The following ARHGAP15 variants were observed in gnomAD, a reference collection of about 807,000 sequenced individuals.
The protein encoded by ARHGAP15 is rho GTPase-activating protein 15.
Under a neutral mutation model 63.7 loss-of-function variants are expected in ARHGAP15, and 51 were observed. The observed-to-expected ratio is 0.80, with a 90% confidence interval of 0.64 to 1.01. The LOEUF is 1.01. Among genes scored for constraint, ARHGAP15 ranks in the 50% least tolerant of loss-of-function variants. ARHGAP15 has a pLI of 0.00. For synonymous variants in ARHGAP15, 191 were observed against 193.8 expected (o/e 0.99, Z 0.12); for missense variants, 560 against 564.6 (o/e 0.99, Z 0.08).
At chr2:143,224,342 G>C (rs1693119059) in intron 4 of ARHGAP15, among the ~76,000 whole-genome samples, 1 of 152,046 alleles carries the variant, frequency 6.6e-6, no homozygotes, top group South Asian at 2.1e-4. Flanking sequence ...CAAACATAAA[G>C]CAGAAAAAAT....
At chr2:143,172,964 C>G (rs1690855080) in intron 2 of ARHGAP15, among the ~76,000 whole-genome samples, 1 of 152,084 alleles carries the variant, frequency 6.6e-6, no homozygotes, top group South Asian at 2.1e-4. Context: ...TTTAAGGAGC[C>G]TACAAAGAAG....
chr2:143,763,700 GTATGTA>G (rs1022048385), intron 13 of ARHGAP15, among the ~76,000 whole-genome samples: 5 of 128,222 alleles, frequency 3.9e-5, no homozygotes, highest in African/African-American at 1.5e-4. Flanking sequence ...ATATGTATGT[GTATGTA>G]TATGTGTATG....
At chr2:143,389,461 C>A (rs1052801782) in intron 6 of ARHGAP15, among the ~76,000 whole-genome samples, 2 of 152,142 alleles carry the variant, frequency 1.3e-5, no homozygotes, top group Non-Finnish European at 2.9e-5. Context: ...TCATAACAAC[C>A]AGATAAATAG....
chr2:143,244,857 C>T (rs1693989529), intron 5 of ARHGAP15, among the ~76,000 whole-genome samples: 1 of 152,122 alleles, frequency 6.6e-6, no homozygotes, highest in Non-Finnish European at 1.5e-5. Flanking sequence ...AGGTTAAGGT[C>T]ATGAGATGGA....
At chr2:143,726,404 C>T (rs1685278199) in intron 13 of ARHGAP15, among the ~76,000 whole-genome samples, 1 of 150,672 alleles carries the variant, frequency 6.6e-6, no homozygotes, top group African/African-American at 2.4e-5. Flanking sequence ...AGATTTATTA[C>T]TCTGCCTGAA....
intron 6 of ARHGAP15, among the ~76,000 whole-genome samples, chr2:143,433,222 A>G (rs1689465809): frequency 6.6e-6 from 1 of 152,132 alleles, no homozygotes; most frequent in African/African-American, 2.4e-5. Context: ...AATGGGCTTT[A>G]CCAGTCAAAG....
intron 9 of ARHGAP15, among the ~76,000 whole-genome samples, chr2:143,518,018 C>A (rs1693895661): frequency 1.3e-5 from 2 of 152,078 alleles, no homozygotes; most frequent in Admixed American, 1.3e-4. Context: ...ATGGGAAGCC[C>A]TTGGACCCAC....
chr2:143,631,433 TC>T lies in ARHGAP15; in HGVS notation c.1138+7169del, dbSNP rs1479265005. On this transcript the variant is annotated intron_variant, in intron 12 of 13. Coordinates refer to ENST00000295095, the MANE Select transcript of ARHGAP15 (RefSeq NM_018460.4). ...CAAAGTCATTGAGCCATTTTTCAAT[TC>T]CCGTCAACAGTATATGAGAGTTCCA... is the stretch of plus-strand genomic sequence containing the variant. 2.0e-5 allele frequency among the ~76,000 whole-genome samples: 3 copies of T among 152,200 alleles called. No homozygotes were observed. The East Asian group carries it at 5.8e-4, about 29-fold the overall frequency.
intron 9 of ARHGAP15, among the ~76,000 whole-genome samples, chr2:143,516,640 G>A (rs2104975060): frequency 6.6e-6 from 1 of 152,240 alleles, no homozygotes. Flanking sequence ...ATTGATTTGA[G>A]TAATAAAATC....
chr2:143,477,563 C>A (rs1691881616), intron 8 of ARHGAP15, among the ~76,000 whole-genome samples: 1 of 151,942 alleles, frequency 6.6e-6, no homozygotes, highest in Non-Finnish European at 1.5e-5. Flanking sequence ...ATATTATTAT[C>A]CCCATCTAAC....
At chr2:143,132,463 G>A (rs752459903) in intron 1 of ARHGAP15, among the ~76,000 whole-genome samples, 23 of 152,230 alleles carry the variant, frequency 1.5e-4, no homozygotes, top group African/African-American at 2.4e-4. Context: ...CTCCTACTGA[G>A]TTGATCCTTT....
At chr2:143,682,980 A>C (rs1683173452) in intron 12 of ARHGAP15, 1 of 152,176 alleles carries the variant, frequency 6.6e-6, no homozygotes. Flanking sequence ...CTGTAATTTT[A>C]CGTTTATTTT....
chr2:143,336,467 A>T (rs915261859), intron 6 of ARHGAP15, among the ~76,000 whole-genome samples: 1 of 152,220 alleles, frequency 6.6e-6, no homozygotes, highest in Non-Finnish European at 1.5e-5. Flanking sequence ...GTTCATCCTC[A>T]CTATGACATT....
chr2:143,727,293 AGTGTT>A (rs1279727386), intron 13 of ARHGAP15, among the ~76,000 whole-genome samples: 1 of 152,228 alleles, frequency 6.6e-6, no homozygotes, highest in Non-Finnish European at 1.5e-5. Context: ...CACACGAAAG[AGTGTT>A]GTATTTCAAG....
intron 6 of ARHGAP15, among the ~76,000 whole-genome samples, chr2:143,285,447 ATTATT>A (rs1377428175): frequency 3.9e-5 from 6 of 152,178 alleles, no homozygotes; most frequent in Non-Finnish European, 8.8e-5. Flanking sequence ...CTTTAGAAAT[ATTATT>A]TTATTTTCCA....
intron 13 of ARHGAP15, among the ~76,000 whole-genome samples, chr2:143,759,567 A>AT (rs1189692245): frequency 6.6e-6 from 1 of 152,040 alleles, no homozygotes; most frequent in Non-Finnish European, 1.5e-5. Flanking sequence ...TAAGTCCCAG[A>AT]TTTTTACCAT....
rs35572753 is a variant in ARHGAP15, at chr2:143,275,005, TA to T, written c.474+24419del. 8.8e-3 allele frequency among the ~76,000 whole-genome samples: 1,277 copies of T among 144,894 alleles called. 18 individuals carry two copies. Among genetic ancestry groups the T allele is most frequent in the East Asian group, 0.037 (183 of 4,950 alleles). On this transcript the variant is annotated intron_variant, in intron 6 of 13. Coordinates refer to ENST00000295095, the MANE Select transcript of ARHGAP15 (RefSeq NM_018460.4). ...GTGAAACCCCATCTCTACTAAAAAT[TA>T]AAAAAAAAAAAAATTAGCTGGATGT...
intron 12 of ARHGAP15, among the ~76,000 whole-genome samples, chr2:143,657,123 G>A (rs1559107063): frequency 6.6e-6 from 1 of 152,186 alleles, no homozygotes; most frequent in East Asian, 1.9e-4. Context: ...GAGGTGGGCA[G>A]ATCGTGAGGT....
In ARHGAP15 at chr2:143,743,883, G is replaced by GA. The variant is rs563889837; in HGVS notation, c.1245-24096dup. Among the ~76,000 whole-genome samples, 578 of 139,954 alleles carry GA rather than the reference G, an allele frequency of 4.1e-3. 1 individual carries two copies. The highest frequency in any genetic ancestry group is 8.1e-3 in the Admixed American group (115 of 14,132). The allele number at this position is 139,954 out of a possible 152,430, so 91.8% of individuals were successfully genotyped here. On this transcript the variant is annotated intron_variant, in intron 13 of 13. Transcript: ENST00000295095. ...TGGATGTTCTCTCTGCCTTCCAGAA[G>GA]AAAAAAAAAACATTATTAAGAATAT...
Sources: allele counts gnomAD v4.1 joint callset (sites outside exome capture counted in the v4.1 genomes callset), GRCh38; gene constraint gnomAD v4.1.1; transcripts MANE v1.5; gene names NCBI Gene and HGNC (gene_info 2026-07-23, HGNC 2026-07-21).